Variants in PLCXD1 observed in about 807,000 individuals in gnomAD.
PLCXD1 encodes phosphatidylinositol specific phospholipase C X domain containing 1.
Under a neutral mutation model 37.8 loss-of-function variants are expected in PLCXD1, and 45 were observed. The observed-to-expected ratio is 1.19, with a 90% CI of 0.94 to 1.53. The LOEUF (loss-of-function observed/expected upper bound fraction) is 1.53. Among genes scored for constraint, PLCXD1 ranks in the 40% most tolerant of loss-of-function variants. PLCXD1 has a pLI of 0.00. For synonymous variants in PLCXD1, 246 were observed against 206.9 expected (o/e 1.19, Z -1.62); for missense variants, 539 against 454.7 (o/e 1.19, Z -1.69).
Position 290,642 on chromosome X carries a change from C to G in PLCXD1, c.265-6C>G. The stretch of plus-strand genomic sequence containing the variant: ...AGGCAGACATGACAGCAGCCTCTGT[C>G]CACAGGCACTGGACGTCACAGAGCA... On this transcript the variant is annotated splice_polypyrimidine_tract_variant and splice_region_variant and intron_variant, in intron 3 of 6. Transcript: ENST00000381657. The G allele has an allele frequency of 6.2e-7, 1 of 1,613,612 alleles. No individual in the cohort carries two copies. Among genetic ancestry groups the G allele is most frequent in the Non-Finnish European group, 8.5e-7 (1 of 1,179,726 alleles).
At chrX:278,936 C>G (rs948973158), upstream of PLCXD1, among the ~76,000 whole-genome samples, 1 of 152,074 alleles carries the variant, frequency 6.6e-6, no homozygotes, top group African/African-American at 2.4e-5. Context: ...GAAGAGACCC[C>G]CGAACAGGCT....
intron 5 of PLCXD1, among the ~76,000 whole-genome samples, chrX:292,773 C>T (rs767791315): frequency 2.8e-4 from 42 of 151,776 alleles, no homozygotes; most frequent in East Asian, 7.9e-4. Flanking sequence ...CCACCGCACC[C>T]GGCCAATTTT....
At chrX:292,758 G>A (rs925819359) in intron 5 of PLCXD1, among the ~76,000 whole-genome samples, 38 of 151,966 alleles carry the variant, frequency 2.5e-4, no homozygotes, top group African/African-American at 7.5e-4. Context: ...GATGACAGGC[G>A]TGCACCACCG....
chrX:284,372 G>A (rs1451844702), intron 2 of PLCXD1, 58 bp downstream of exon 2: 2 of 1,600,834 alleles, frequency 1.2e-6, no homozygotes, highest in Non-Finnish European at 1.7e-6. Flanking sequence ...GCAGGGTGGG[G>A]CGGGAGCTGT....
chrX:278,205 C>A (rs773809903), upstream of PLCXD1, among the ~76,000 whole-genome samples: 59,814 of 123,630 alleles, frequency 0.48, 15,650 homozygotes, highest in East Asian at 0.62. Flanking sequence ...GGAGGGGACA[C>A]CCCTCAGTGG....
At position 291,655 on chromosome X, in the gene PLCXD1, G is replaced by A. The variant is rs774345176; in HGVS notation, c.549+1G>A. ...CGGGGACATGCTGTGTCCTCGTGGG[G>A]TGAGGAGGGGAAGGATATCCGCACG... On this transcript the variant is annotated splice_donor_variant, in intron 5 of 6. Transcript: ENST00000381657. LOFTEE classifies it high-confidence loss of function. 6.2e-7 allele frequency: 1 copy of A among 1,612,346 alleles called. No homozygotes were observed. Among genetic ancestry groups the A allele is most frequent in the Non-Finnish European group, 8.5e-7 (1 of 1,179,758 alleles).
At chrX:284,718 C>T (rs191061689) in intron 2 of PLCXD1, among the ~76,000 whole-genome samples, 95 of 152,148 alleles carry the variant, frequency 6.2e-4, no homozygotes, top group African/African-American at 2.1e-3. Flanking sequence ...TCTGTTCTCA[C>T]GCTGCTAACA....
At position 293,228 on chromosome X, in the gene PLCXD1, C is replaced by T. The variant is rs576765773; in HGVS notation, c.733+10C>T. 1,182 of 1,604,574 alleles carry T rather than the reference C, an allele frequency of 7.4e-4. 13 individuals carry two copies. The South Asian group carries it at 0.011, about 15-fold the overall frequency. ...AGCTGCGGCCGCCCAGGTACCAGGTCGCCCCTCGTGGGGGTAGATTCCACA... is the reference window on the plus strand; with the variant it reads ...AGCTGCGGCCGCCCAGGTACCAGGTTGCCCCTCGTGGGGGTAGATTCCACA... On this transcript the variant is annotated intron_variant, in intron 6 of 6. Transcript: ENST00000381657.
At chrX:279,604 T>C (rs1163845730), upstream of PLCXD1, among the ~76,000 whole-genome samples, 7 of 152,018 alleles carry the variant, frequency 4.6e-5, no homozygotes, top group African/African-American at 1.7e-4. Context: ...AGACCCCCGT[T>C]GCTACCAAAA....
chrX:294,276 A>T (rs750929673), intron 6 of PLCXD1, among the ~76,000 whole-genome samples: 85 of 152,210 alleles, frequency 5.6e-4, no homozygotes, highest in Non-Finnish European at 5.3e-4. Context: ...AGGTCAGGAG[A>T]TCGAGACCAT....
intron 6 of PLCXD1, among the ~76,000 whole-genome samples, chrX:295,625 A>C (rs1291504854): frequency 3.3e-5 from 5 of 151,688 alleles, no homozygotes; most frequent in South Asian, 2.1e-4. Flanking sequence ...CCCGGGTTCA[A>C]GCCATTCTCC....
At chrX:289,814 A>T (rs2069572688) in intron 3 of PLCXD1, among the ~76,000 whole-genome samples, 1 of 151,934 alleles carries the variant, frequency 6.6e-6, no homozygotes, top group African/African-American at 2.4e-5. Flanking sequence ...CCCGGCCGAG[A>T]CAACCCCTTT....
Position 299,088 on chromosome X carries a change from C to T in PLCXD1, c.734-9C>T, listed in dbSNP as rs1379514689. On this transcript the variant is annotated splice_polypyrimidine_tract_variant and intron_variant, in intron 6 of 6. Transcript: ENST00000381657. Reference sequence around the variant, plus strand: ...ACCGTGTAACCTCTCCCCACCCTCACCGTTGCAGGAGGGTTGTTCGTGGCC... The same window carrying T: ...ACCGTGTAACCTCTCCCCACCCTCATCGTTGCAGGAGGGTTGTTCGTGGCC... 6.3e-7 allele frequency: 1 copy of T among 1,599,978 alleles called. No homozygotes were observed. Among genetic ancestry groups the T allele is most frequent in the Admixed American group, 1.7e-5 (1 of 59,994 alleles).
chrX:282,827 A>G (rs1261255069), intron 1 of PLCXD1, among the ~76,000 whole-genome samples: 1 of 147,326 alleles, frequency 6.8e-6, no homozygotes, highest in Non-Finnish European at 1.5e-5. Flanking sequence ...ACAGTATATT[A>G]TATATATATA....
chrX:286,139 A>G (rs1056427968), intron 2 of PLCXD1, among the ~76,000 whole-genome samples: 1 of 151,606 alleles, frequency 6.6e-6, no homozygotes, highest in Non-Finnish European at 1.5e-5. Flanking sequence ...ACCTCAGCTC[A>G]TCGCAACCTC....
At chrX:288,193 A>C (rs1203480910) in intron 2 of PLCXD1, among the ~76,000 whole-genome samples, 1 of 152,004 alleles carries the variant, frequency 6.6e-6, no homozygotes, top group Non-Finnish European at 1.5e-5. Flanking sequence ...AGCATGTGTA[A>C]AGACCCTATT....
intron 2 of PLCXD1, among the ~76,000 whole-genome samples, chrX:285,136 AC>A (rs2069406106): frequency 9.5e-5 from 1 of 10,536 alleles, no homozygotes; most frequent in South Asian, 1.3e-3. Flanking sequence ...GCACACACAT[AC>A]ATGCATGCAC....
At chrX:280,329 GGGGGAGGGGAGGCCGT>G (rs1569564330), upstream of PLCXD1, among the ~76,000 whole-genome samples, 9,492 of 124,048 alleles carry the variant, frequency 0.077, 1,242 homozygotes, top group Middle Eastern at 0.11. Flanking sequence ...AGGCCGTGCA[GGGGGAGGGGAGGCCGT>G]GCAGGGGGAA....
At chrX:284,624 G>A (rs1486223969) in intron 2 of PLCXD1, among the ~76,000 whole-genome samples, 1 of 149,178 alleles carries the variant, frequency 6.7e-6, no homozygotes, top group Admixed American at 6.7e-5. Flanking sequence ...ATGCACATCT[G>A]CACACGCACA....
Sources: gnomAD v4.1 joint callset for allele counts (sites outside exome capture counted in the v4.1 genomes callset) on GRCh38, gnomAD v4.1.1 for gene constraint, MANE v1.5 for transcripts, NCBI Gene and HGNC (gene_info 2026-07-23, HGNC 2026-07-21) for gene names.